Variants in NT5DC1 observed in about 807,000 individuals in gnomAD.
NT5DC1 encodes 5'-nucleotidase domain-containing protein 1.
A neutral mutation model predicts 59.4 loss-of-function variants in NT5DC1; 42 were observed. That is an observed-to-expected ratio of 0.71 (90% CI 0.55 to 0.92). The LOEUF (loss-of-function observed/expected upper bound fraction) is 0.92. Ranked by LOEUF, NT5DC1 falls within the 40% of genes least tolerant of loss-of-function variation. NT5DC1 has a pLI of 0.00. For missense variants in NT5DC1, 501 were observed against 537.1 expected (o/e 0.93, Z 0.66); for synonymous variants, 172 against 188.1 (o/e 0.91, Z 0.70).
intron 6 of NT5DC1, among the ~76,000 whole-genome samples, chr6:116,193,058 A>G (rs1338594024): frequency 1.3e-5 from 2 of 152,124 alleles, no homozygotes; most frequent in African/African-American, 2.4e-5. Context: ...CTAAAGCTGT[A>G]CAGAATAGCT....
intron 4 of NT5DC1, among the ~76,000 whole-genome samples, chr6:116,113,404 T>A (rs941963341): frequency 6.6e-6 from 1 of 152,252 alleles, no homozygotes; most frequent in African/African-American, 2.4e-5. Context: ...TGTGTAAAAC[T>A]TAATGGTTAT....
In NT5DC1 at chr6:116,101,054, G is replaced by T. The variant is rs567012865; in HGVS notation, c.93+31G>T. ...TGGCGCGGGCTCCGGGGCGCACTGC[G>T]CGCAACCTCCATGGCGGCTGGGGCT... On this transcript the variant is annotated intron_variant, in intron 1 of 11. Coordinates refer to ENST00000319550, the MANE Select transcript of NT5DC1 (RefSeq NM_152729.3). 438 of 1,489,348 alleles carry T rather than the reference G, an allele frequency of 2.9e-4. 1 individual carries two copies. The highest frequency in any genetic ancestry group is 3.5e-4 in the Admixed American group (20 of 56,536). 92.3% of individuals were successfully genotyped at this position (1,489,348 alleles called of 1,614,324 possible). A position where few individuals can be genotyped will look rare whatever the true frequency, so the allele number is the denominator to read the frequency against.
At chr6:116,103,394 T>C (rs755861741) in intron 1 of NT5DC1, among the ~76,000 whole-genome samples, 10 of 151,808 alleles carry the variant, frequency 6.6e-5, no homozygotes, top group Non-Finnish European at 1.3e-4. Flanking sequence ...AGAAGGAAAG[T>C]GTATCCAGGG....
At chr6:116,128,720 C>T (rs78817263) in intron 6 of NT5DC1, among the ~76,000 whole-genome samples, 1,975 of 152,192 alleles carry the variant, frequency 0.013, 19 homozygotes, top group Non-Finnish European at 0.022. Flanking sequence ...TCCTGCTGTC[C>T]TGAGGGAAAT....
At chr6:116,223,239 GA>G (rs1384420471) in intron 8 of NT5DC1, 108 bp downstream of exon 8, 3 of 604,006 alleles carry the variant, frequency 5.0e-6, no homozygotes, top group African/African-American at 3.9e-5. Flanking sequence ...TCATGGGGAA[GA>G]AAAAAGATAA....
chr6:116,112,939 A>G (rs772736763), intron 4 of NT5DC1, among the ~76,000 whole-genome samples: 15 of 152,256 alleles, frequency 9.9e-5, no homozygotes, highest in East Asian at 5.8e-4. Flanking sequence ...TACATGCCCT[A>G]TCAGTACATT....
Position 116,179,781 on chromosome 6 carries a change from A to G in NT5DC1, c.530-41273A>G, listed in dbSNP as rs1202562946. On this transcript the variant is annotated intron_variant, in intron 6 of 11. Transcript: ENST00000319550. ...TATCTTTGATGTCCTGGTTTGGTTC[A>G]GGCATACTGAGGATAACTTAGAGTA... is the stretch of plus-strand genomic sequence containing the variant. Among the ~76,000 whole-genome samples the G allele has an allele frequency of 3.9e-5, 6 of 152,122 alleles. 1 individual carries two copies. The highest frequency in any genetic ancestry group is 1.4e-4 in the African/African-American group (6 of 41,450).
chr6:116,170,529 G>A (rs943480111), intron 6 of NT5DC1, among the ~76,000 whole-genome samples: 2 of 152,270 alleles, frequency 1.3e-5, no homozygotes, highest in South Asian at 2.1e-4. Context: ...AGAAGTGTAC[G>A]TAAAGTACCT....
At chr6:116,108,703 C>T (rs1778811253) in intron 3 of NT5DC1, among the ~76,000 whole-genome samples, 1 of 152,170 alleles carries the variant, frequency 6.6e-6, no homozygotes, top group African/African-American at 2.4e-5. Flanking sequence ...CCTGCTACGT[C>T]TCATTGACCA....
rs1771793149 is a variant in NT5DC1, at chr6:116,244,190, CTTATT to C, written c.*167_*171del. ...TAAATCATCTTGATGTTTAACAACTCTTATTATATTAAAATCTCAGTATCCTAAAA... is the reference window on the plus strand; with the variant it reads ...TAAATCATCTTGATGTTTAACAACTCATATTAAAATCTCAGTATCCTAAAA... On this transcript the variant is annotated 3_prime_UTR_variant, in exon 12 of 12. Transcript: ENST00000319550. The C allele has an allele frequency of 2.3e-6, 1 of 442,272 alleles. No homozygotes were observed. Among genetic ancestry groups the C allele is most frequent in the Non-Finnish European group, 4.0e-6 (1 of 247,984 alleles). The allele number at this position is 442,272 out of a possible 1,614,324, so 27.4% of individuals were successfully genotyped here.
intron 6 of NT5DC1, among the ~76,000 whole-genome samples, chr6:116,145,200 A>ATGTT (rs1779867053): frequency 6.6e-6 from 1 of 152,190 alleles, no homozygotes; most frequent in East Asian, 1.9e-4. Flanking sequence ...TGTCCTCAAC[A>ATGTT]GAGGACAACT....
At chr6:116,196,064 TTGACATTCTGTTATCCC>T (rs976055776) in intron 6 of NT5DC1, among the ~76,000 whole-genome samples, 29 of 152,028 alleles carry the variant, frequency 1.9e-4, no homozygotes, top group African/African-American at 5.3e-4. Flanking sequence ...GGGGCTAAAC[TTGACATTCTGTTATCCC>T]TGACATTCTG....
At chr6:116,154,637 G>C (rs1385949900) in intron 6 of NT5DC1, among the ~76,000 whole-genome samples, 2 of 149,410 alleles carry the variant, frequency 1.3e-5, no homozygotes, top group Non-Finnish European at 3.0e-5. Flanking sequence ...TGTTTATTTG[G>C]TAAACTTACA....
At chr6:116,104,265 T>C (rs1778721206) in intron 1 of NT5DC1, among the ~76,000 whole-genome samples, 1 of 152,162 alleles carries the variant, frequency 6.6e-6, no homozygotes, top group Non-Finnish European at 1.5e-5. Flanking sequence ...GGCCCCCTTC[T>C]CTCCTGTTAC....
intron 6 of NT5DC1, among the ~76,000 whole-genome samples, chr6:116,213,690 T>A (rs1449492421): frequency 7.3e-5 from 11 of 151,644 alleles, no homozygotes; most frequent in Non-Finnish European, 1.2e-4. Context: ...TAGGAGAACA[T>A]GAAAATGCCC....
At chr6:116,160,281 T>C (rs535220586) in intron 6 of NT5DC1, among the ~76,000 whole-genome samples, 14 of 152,278 alleles carry the variant, frequency 9.2e-5, no homozygotes, top group African/African-American at 3.4e-4. Context: ...ACATCTGTTA[T>C]CTATTGGCTT....
chr6:116,185,170 T>G (rs1780969738), intron 6 of NT5DC1, among the ~76,000 whole-genome samples: 2 of 152,114 alleles, frequency 1.3e-5, no homozygotes, highest in African/African-American at 4.8e-5. Context: ...TTTGCATGAT[T>G]TTGAGGGTTC....
intron 6 of NT5DC1, among the ~76,000 whole-genome samples, chr6:116,176,771 C>G (rs1009416471): frequency 6.6e-6 from 1 of 152,046 alleles, no homozygotes; most frequent in Admixed American, 6.6e-5. Flanking sequence ...CAGGTAGCAC[C>G]GAAGCACTGT....
At chr6:116,230,232 CT>C (rs1441334246) in intron 8 of NT5DC1, among the ~76,000 whole-genome samples, 1 of 152,130 alleles carries the variant, frequency 6.6e-6, no homozygotes, top group Non-Finnish European at 1.5e-5. Flanking sequence ...TTTCCCACAT[CT>C]TTTTTTATTA....
Sources: allele counts gnomAD v4.1 joint callset (sites outside exome capture counted in the v4.1 genomes callset), GRCh38; gene constraint gnomAD v4.1.1; transcripts MANE v1.5; gene names NCBI Gene and HGNC (gene_info 2026-07-23, HGNC 2026-07-21).